Variants in BEND7 observed in about 807,000 individuals in gnomAD.
BEND7 encodes the protein BEN domain containing 7.
A neutral mutation model predicts 50.9 loss-of-function variants in BEND7; 28 were observed. That is an observed-to-expected ratio of 0.55 (90% confidence interval 0.41 to 0.75). The LOEUF is 0.75. Ranked by LOEUF, BEND7 falls within the 30% of genes least tolerant of loss-of-function variation. The pLI is 0.00. For synonymous variants in BEND7, 170 were observed against 183.9 expected, an observed-to-expected ratio of 0.92 and a Z score of 0.61; for missense variants, 477 against 491.3, an observed-to-expected ratio of 0.97 and a Z score of 0.28.
At chr10:13,516,736 A>C (rs1182031715) in intron 2 of BEND7, among the ~76,000 whole-genome samples, 1 of 152,182 alleles carries the variant, frequency 6.6e-6, no homozygotes, top group Non-Finnish European at 1.5e-5. Flanking sequence ...AAGGAAAAAA[A>C]AATTATTTAA....
intron 4 of BEND7, among the ~76,000 whole-genome samples, chr10:13,495,255 A>ACCT (rs1429744844): frequency 2.0e-5 from 3 of 152,214 alleles, no homozygotes; most frequent in Non-Finnish European, 4.4e-5. Context: ...GGAGATGTTA[A>ACCT]CCTCCTCCAG....
intron 2 of BEND7, among the ~76,000 whole-genome samples, chr10:13,508,335 C>G (rs537255571): frequency 1.1e-4 from 16 of 152,008 alleles, no homozygotes; most frequent in Non-Finnish European, 2.4e-4. Flanking sequence ...TCCTTTTTTT[C>G]CCAAGTGCAA....
chr10:13,508,544 A>G (rs947365728), intron 2 of BEND7, among the ~76,000 whole-genome samples: 15 of 152,214 alleles, frequency 9.9e-5, no homozygotes, highest in Non-Finnish European at 1.5e-5. Context: ...AATACCATGA[A>G]AAGGAGTATC....
At chr10:13,495,211 A>G (rs1476320137) in intron 4 of BEND7, among the ~76,000 whole-genome samples, 1 of 152,248 alleles carries the variant, frequency 6.6e-6, no homozygotes, top group African/African-American at 2.4e-5. Flanking sequence ...TCCGAACATC[A>G]TAAAGTAACC....
chr10:13,502,638 C>G (rs1182706458), intron 2 of BEND7, among the ~76,000 whole-genome samples: 5 of 152,286 alleles, frequency 3.3e-5, no homozygotes, highest in Non-Finnish European at 5.9e-5. Context: ...TTTCAGCAAC[C>G]AGACACATAC....
intron 8 of BEND7, chr10:13,442,691 G>A (rs1029107789): frequency 6.6e-6 from 1 of 152,206 alleles, no homozygotes; most frequent in Non-Finnish European, 1.5e-5. Flanking sequence ...CAGGTATCAT[G>A]TAGATAATTT....
chr10:13,505,921 T>C (rs964391159), intron 2 of BEND7, among the ~76,000 whole-genome samples: 2 of 152,098 alleles, frequency 1.3e-5, no homozygotes, highest in Non-Finnish European at 2.9e-5. Flanking sequence ...CAGAATGAAG[T>C]CCAGAACGCA....
chr10:13,447,491 A>G (rs949827207), intron 7 of BEND7, among the ~76,000 whole-genome samples, 175 bp from the exon 8 acceptor site: 2 of 139,776 alleles, frequency 1.4e-5, no homozygotes, highest in African/African-American at 5.3e-5. Context: ...TTATTTGAAT[A>G]TTTTTTGATG....
intron 8 of BEND7, chr10:13,446,819 A>T (rs1200489823): frequency 4.8e-6 from 1 of 207,890 alleles, no homozygotes; most frequent in Non-Finnish European, 9.5e-6. Context: ...TCGCTCAGTT[A>T]AAACATAGTA....
intron 6 of BEND7, among the ~76,000 whole-genome samples, chr10:13,453,335 C>A (rs1400330435): frequency 6.6e-6 from 1 of 152,188 alleles, no homozygotes; most frequent in Non-Finnish European, 1.5e-5. Context: ...CCACCTCACA[C>A]ACACTCCTGA....
At chr10:13,477,140 A>AT (rs1465312952) in intron 6 of BEND7, among the ~76,000 whole-genome samples, 2 of 151,876 alleles carry the variant, frequency 1.3e-5, no homozygotes, top group Admixed American at 6.6e-5. Context: ...ATTTTCATTC[A>AT]TTTTTTTCCC....
chr10:13,520,263 C>T lies in BEND7; in HGVS notation c.145+5875G>A, dbSNP rs192347666. Reference sequence around the variant, plus strand: ...AAGTTCGGAAGTGCCCAGCACACACCGGAGGCAGTAAACAAGCCCTAGCTC... The same window carrying T: ...AAGTTCGGAAGTGCCCAGCACACACTGGAGGCAGTAAACAAGCCCTAGCTC... On this transcript the variant is annotated intron_variant, in intron 2 of 8. Coordinates refer to ENST00000466271, the MANE Select transcript of BEND7 (RefSeq NM_001369863.1). 1.6e-4 allele frequency among the ~76,000 whole-genome samples: 24 copies of T among 152,262 alleles called. No homozygotes were observed. The East Asian group carries it at 2.9e-3, about 18-fold the overall frequency.
intron 5 of BEND7, among the ~76,000 whole-genome samples, chr10:13,490,187 C>T (rs992181440): frequency 6.6e-5 from 10 of 151,760 alleles, no homozygotes; most frequent in African/African-American, 7.3e-5. Flanking sequence ...CGAGTCACAA[C>T]GCAAAAAGGG....
At chr10:13,488,313 C>T (rs903856585) in intron 5 of BEND7, among the ~76,000 whole-genome samples, 4 of 150,822 alleles carry the variant, frequency 2.7e-5, no homozygotes, top group African/African-American at 7.4e-5. Context: ...AAACAAGAAA[C>T]GAAAAGTAAC....
chr10:13,447,273 T>C lies in BEND7; in HGVS notation c.1227A>G (p.Pro409=), dbSNP rs767769434. ...SDERLDGIAL[P]PTVV ...TAAATGCGTTTTATTTACCTGTTGGTGGTAGAGCAATGCCGTCCAGTCTTT... is the reference window on the plus strand; with the variant it reads ...TAAATGCGTTTTATTTACCTGTTGGCGGTAGAGCAATGCCGTCCAGTCTTT... The change falls in exon 8 of 9, where the codon CCA becomes CCG. Residue 409 remains proline (P), a synonymous_variant. Transcript: ENST00000466271. 1 of 1,614,172 alleles carries C rather than the reference T, an allele frequency of 6.2e-7. No homozygotes were observed. The highest frequency in any genetic ancestry group is 8.5e-7 in the Non-Finnish European group (1 of 1,180,026).
intron 8 of BEND7, chr10:13,444,992 A>G (rs1430343621): frequency 1.3e-5 from 2 of 151,196 alleles, no homozygotes; most frequent in Non-Finnish European, 3.0e-5. Context: ...TTTTTTATAT[A>G]TTTTTTAGTA....
At chr10:13,487,125 C>T (rs1299965093) in intron 5 of BEND7, among the ~76,000 whole-genome samples, 1 of 152,206 alleles carries the variant, frequency 6.6e-6, no homozygotes, top group Non-Finnish European at 1.5e-5. Flanking sequence ...ATATAATTAA[C>T]ATTTATTTGC....
chr10:13,502,517 G>A (rs1415449000), intron 2 of BEND7, among the ~76,000 whole-genome samples: 1 of 152,060 alleles, frequency 6.6e-6, no homozygotes, highest in East Asian at 1.9e-4. Flanking sequence ...TTTCAATAAC[G>A]CAGAGTCAGC....
At position 13,499,939 on chromosome 10, in the gene BEND7, G is replaced by T. The variant is rs1199214360; in HGVS notation, c.287C>A (p.Pro96His). The T allele has an allele frequency of 6.2e-7, 1 of 1,614,090 alleles. No individual in the cohort carries two copies. Among genetic ancestry groups the T allele is most frequent in the African/African-American group, 1.3e-5 (1 of 74,934 alleles). The change falls in exon 3 of 9, where the codon CCT (proline) becomes CAT (histidine). Residue 96 changes from proline to histidine, a missense_variant. Physicochemically the swap from Pro to His is moderately conservative, Grantham distance 77. Around this residue, in one of 3 missense-constraint regions of BEND7, gnomAD observed 396 missense variants for 384.2 expected, o/e 1.03. Transcript: ENST00000466271. Reference protein sequence around the residue: ...EEPQDLDLVWPPRLNSSAEAP... With the variant: ...EEPQDLDLVWHPRLNSSAEAP... The stretch of plus-strand genomic sequence containing the variant: ...CTCAGCAGAGGAGTTCAAACGTGGA[G>T]GCCAGACTAAATCCAGGTCCTGGGG...
Sources: allele counts gnomAD v4.1 joint callset (sites outside exome capture counted in the v4.1 genomes callset), GRCh38; gene constraint gnomAD v4.1.1; regional missense constraint gnomAD v4.1.1; transcripts MANE v1.5; gene names NCBI Gene and HGNC (gene_info 2026-07-23, HGNC 2026-07-21).